The following DAB2IP variants were observed in gnomAD, a reference collection of about 807,000 sequenced individuals.
The protein encoded by DAB2IP is disabled homolog 2-interacting protein.
A neutral mutation model predicts 107.2 loss-of-function variants in DAB2IP; 28 were observed. The ratio of observed to expected loss-of-function variants is 0.26; its 90% CI spans 0.19 to 0.36. The LOEUF is 0.36. Ranked by LOEUF, DAB2IP falls within the 10% of genes least tolerant of loss-of-function variation. DAB2IP has a pLI of 1.00. For synonymous variants in DAB2IP, 755 were observed against 706.4 expected (o/e 1.07, Z -1.09); for missense variants, 1,400 against 1,644.7 (o/e 0.85, Z 2.57).
At chr9:121,773,231 G>T in exon 12 of DAB2IP, 1 of 1,556,830 alleles carries the variant, frequency 6.4e-7, no homozygotes, top group South Asian at 1.2e-5. Context: ...AAAAAGGCGG[G>T]CAGCCCACGG....
At chr9:121,636,429 C>G (rs1177916736) in intron 1 of DAB2IP, among the ~76,000 whole-genome samples, 1 of 152,220 alleles carries the variant, frequency 6.6e-6, no homozygotes, top group Non-Finnish European at 1.5e-5. Flanking sequence ...CAGAAACTTT[C>G]AGGAGCAGGA....
chr9:121,722,412 A>G (rs981257284), intron 3 of DAB2IP, among the ~76,000 whole-genome samples: 10 of 150,990 alleles, frequency 6.6e-5, no homozygotes, highest in African/African-American at 2.2e-4. Context: ...TGCAGTTATG[A>G]CTCCTCCCTT....
intron 3 of DAB2IP, among the ~76,000 whole-genome samples, chr9:121,707,595 G>A (rs564749314): frequency 2.6e-4 from 40 of 152,346 alleles, no homozygotes; most frequent in African/African-American, 9.6e-4. Flanking sequence ...GCACTGGGGA[G>A]AGATAGAGAT....
intron 3 of DAB2IP, among the ~76,000 whole-genome samples, chr9:121,715,867 C>T (rs921852435): frequency 1.3e-5 from 2 of 152,218 alleles, no homozygotes; most frequent in Non-Finnish European, 2.9e-5. Context: ...AAGGAAGGTG[C>T]TTGTGAGTTC....
At chr9:121,774,013 C>G (rs1238351925) in intron 12 of DAB2IP, among the ~76,000 whole-genome samples, 3 of 152,352 alleles carry the variant, frequency 2.0e-5, no homozygotes, top group South Asian at 4.1e-4. Context: ...GGGTCACTCA[C>G]TGTCCTCTTG....
chr9:121,585,281 T>C (rs1564684088), intron 1 of DAB2IP, among the ~76,000 whole-genome samples: 1 of 152,130 alleles, frequency 6.6e-6, no homozygotes, highest in Admixed American at 6.6e-5. Flanking sequence ...TCAGGATTCT[T>C]CCTTGCATAG....
intron 1 of DAB2IP, among the ~76,000 whole-genome samples, chr9:121,585,169 TC>T (rs1830285308): frequency 6.6e-6 from 1 of 152,146 alleles, no homozygotes. Context: ...CTCTTGAGAC[TC>T]AGTTTCTTCC....
chr9:121,755,737 A>G (rs1041764767), intron 3 of DAB2IP, among the ~76,000 whole-genome samples: 1 of 152,122 alleles, frequency 6.6e-6, no homozygotes, highest in African/African-American at 2.4e-5. Context: ...TTGAGCACCC[A>G]TGGAGTGGGC....
chr9:121,676,741 G>A (rs1363054183), intron 1 of DAB2IP, among the ~76,000 whole-genome samples: 1 of 152,214 alleles, frequency 6.6e-6, no homozygotes, highest in Non-Finnish European at 1.5e-5. Context: ...AGCGAGGCAA[G>A]AGCTGGAAGT....
chr9:121,774,464 C>G, intron 13 of DAB2IP, 52 bp downstream of exon 13: 1 of 1,524,064 alleles, frequency 6.6e-7, no homozygotes, highest in East Asian at 2.4e-5. Context: ...CTCCCGGCAG[C>G]AGCTGGTAGG....
At chr9:121,584,968 G>A (rs975003290) in intron 1 of DAB2IP, among the ~76,000 whole-genome samples, 2 of 152,120 alleles carry the variant, frequency 1.3e-5, no homozygotes, top group African/African-American at 4.8e-5. Flanking sequence ...TCACAGGCAC[G>A]ATCCTAGCCA....
chr9:121,768,301 C>A, intron 9 of DAB2IP, 131 bp from the exon 10 acceptor site: 3 of 955,500 alleles, frequency 3.1e-6, no homozygotes, highest in Admixed American at 1.8e-5. Context: ...GCATATTCAG[C>A]TGACTTGGGG....
At chr9:121,571,414 C>A (rs1216876008) in intron 1 of DAB2IP, among the ~76,000 whole-genome samples, 1 of 152,070 alleles carries the variant, frequency 6.6e-6, no homozygotes, top group East Asian at 1.9e-4. Flanking sequence ...CATTCCAGGG[C>A]AGAAGAAACA....
intron 1 of DAB2IP, among the ~76,000 whole-genome samples, chr9:121,601,651 C>G (rs1830686137): frequency 6.6e-6 from 1 of 152,108 alleles, no homozygotes; most frequent in Non-Finnish European, 1.5e-5. Context: ...ATATGCCAGA[C>G]CCTGCCCTGA....
chr9:121,576,035 G>C (rs534039847), intron 1 of DAB2IP: 1 of 152,478 alleles, frequency 6.6e-6, no homozygotes, highest in African/African-American at 2.4e-5. Context: ...GATCCACCCC[G>C]ACTCTCCGTC....
intron 1 of DAB2IP, among the ~76,000 whole-genome samples, chr9:121,627,661 TG>T (rs947932416): frequency 6.6e-6 from 1 of 152,116 alleles, no homozygotes; most frequent in Non-Finnish European, 1.5e-5. Flanking sequence ...GGGGCAGAGT[TG>T]GGGTGGGCCC....
rs548612052 is a variant in DAB2IP at position 121,643,160 on chromosome 9, G to A, written c.41-35518G>A. Among the ~76,000 whole-genome samples, 5 of 152,162 alleles carry A rather than the reference G, an allele frequency of 3.3e-5. No individual in the cohort carries two copies. In the South Asian group the frequency reaches 1.1e-3, roughly 32 times the overall value. On this transcript the variant is annotated intron_variant, in intron 1 of 16. Transcript: ENST00000259371. The stretch of plus-strand genomic sequence containing the variant: ...CCTTGGCCCTACCCATCAAAATCTG[G>A]ATTCAGGGATGCTGGGAGTGGGGCC...
chr9:121,784,445 C>G (rs1266021231), exon 16 of DAB2IP: 2 of 153,000 alleles, frequency 1.3e-5, no homozygotes, highest in Non-Finnish European at 2.9e-5. Flanking sequence ...GGGGCCTGGA[C>G]AGGCGGGCTC....
At chr9:121,683,349 C>T (rs1828691884) in intron 2 of DAB2IP, among the ~76,000 whole-genome samples, 2 of 152,122 alleles carry the variant, frequency 1.3e-5, no homozygotes, top group Non-Finnish European at 2.9e-5. Flanking sequence ...CCAAACTTCC[C>T]TGTTGCGGGC....
Sources: gnomAD v4.1 joint callset for allele counts (sites outside exome capture counted in the v4.1 genomes callset) on GRCh38, gnomAD v4.1.1 for gene constraint, MANE v1.5 for transcripts, NCBI Gene and HGNC (gene_info 2026-07-23, HGNC 2026-07-21) for gene names.